MSH6: variants seen among roughly 807,000 people sequenced by gnomAD.
The protein encoded by MSH6 is mutS homolog 6, also known as DNA mismatch repair protein Msh6.
A neutral mutation model predicts 119.1 loss-of-function variants in MSH6; 85 were observed. The ratio of observed to expected loss-of-function variants is 0.71; its 90% CI spans 0.60 to 0.85. The LOEUF is 0.85. Ranked by LOEUF, MSH6 falls within the 40% of genes least tolerant of loss-of-function variation. MSH6 has a pLI of 0.00. For synonymous variants in MSH6, 830 were observed against 586.9 expected (o/e 1.41, Z -5.99); for missense variants, 2,163 against 1,655.3 (o/e 1.31, Z -5.32).
At chr2:47,793,638 A>T (rs1305400800) in intron 2 of MSH6, among the ~76,000 whole-genome samples, 1 of 151,290 alleles carries the variant, frequency 6.6e-6, no homozygotes, top group Non-Finnish European at 1.5e-5. Context: ...TAAATAAAAT[A>T]AAATAATAAA....
intron 1 of MSH6, among the ~76,000 whole-genome samples, chr2:47,786,522 A>AT (rs1369661579): frequency 0.013 from 3 of 230 alleles, no homozygotes; most frequent in Admixed American, 0.1. Flanking sequence ...TATAGTAGAG[A>AT]CGGGTTTCAC....
rs370830818 is a variant in MSH6, at chr2:47,804,141, T to TG, written c.3438+456_3438+457insG. The stretch of plus-strand genomic sequence containing the variant: ...GGGATGACATGCTGGCCCTTTTTTT[T>TG]TTGTTGTTGCCAAGGCTGAAGTGCA... On this transcript the variant is annotated intron_variant, in intron 5 of 9. Transcript: ENST00000234420. Among the ~76,000 whole-genome samples the TG allele has an allele frequency of 2.6e-4, 39 of 152,070 alleles. 1 individual carries two copies. Among genetic ancestry groups the TG allele is most frequent in the Middle Eastern group, 6.8e-3 (2 of 292 alleles).
At chr2:47,807,742 A>G (rs1670324334), downstream of MSH6, 1 of 242,822 alleles carries the variant, frequency 4.1e-6, no homozygotes. Flanking sequence ...ATTGGTACCC[A>G]TGTCCATAAA....
At chr2:47,808,052 T>G, downstream of MSH6, 1 of 1,404,092 alleles carries the variant, frequency 7.1e-7, no homozygotes, top group Non-Finnish European at 9.8e-7. Context: ...ATTTTAAATC[T>G]TCTTCCAAAA....
rs761822293 is a variant in MSH6, at chr2:47,799,265, A to G, written c.1282A>G (p.Lys428Glu). ...GAACTTTGATCTTGTCATCTGTTAC[A>G]AGGTGGGGAAATTTTATGAGCTGTA... ...SQNFDLVICY[K>E]VGKFYELYHM... Residue 428 changes from lysine to glutamate, a missense_variant, in exon 4 of 10, where the codon AAG (lysine) becomes GAG (glutamate). Coordinates refer to ENST00000234420, the MANE Select transcript of MSH6 (RefSeq NM_000179.3). 4 of 1,614,104 alleles carry G rather than the reference A, an allele frequency of 2.5e-6. No homozygotes were observed. Among genetic ancestry groups the G allele is most frequent in the Non-Finnish European group, 3.4e-6 (4 of 1,180,016 alleles).
rs730881816 is a variant in MSH6, at chr2:47,799,788, C to T, written c.1805C>T (p.Ser602Leu). The T allele has an allele frequency of 6.2e-7, 1 of 1,614,156 alleles. No homozygotes were observed. The highest frequency in any genetic ancestry group is 8.5e-7 in the Non-Finnish European group (1 of 1,180,016). Reference protein sequence around the residue: ...VQVLFEKGNLSKETKTILKSS... With the variant: ...VQVLFEKGNLLKETKTILKSS... ...GTTTTATTTGAAAAAGGAAATCTCTCAAAGGAAACTAAAACAATTCTAAAG... is the reference window on the plus strand; with the variant it reads ...GTTTTATTTGAAAAAGGAAATCTCTTAAAGGAAACTAAAACAATTCTAAAG... The change falls in exon 4 of 10, where the codon TCA (serine) becomes TTA (leucine). Residue 602 changes from serine (S) to leucine (L), a missense_variant. Physicochemically the swap from Ser to Leu is moderately radical, Grantham distance 145. Coordinates refer to ENST00000234420, the MANE Select transcript of MSH6 (RefSeq NM_000179.3).
chr2:47,801,305 C>A, intron 4 of MSH6, 150 bp downstream of exon 4: 3 of 538,444 alleles, frequency 5.6e-6, no homozygotes, highest in Non-Finnish European at 6.0e-6. Flanking sequence ...CTGCCCACAG[C>A]AATTTAAGTT....
intron 1 of MSH6, among the ~76,000 whole-genome samples, chr2:47,785,950 C>T (rs1416150608): frequency 1.3e-5 from 2 of 152,162 alleles, no homozygotes; most frequent in African/African-American, 4.8e-5. Flanking sequence ...GCATTTGATA[C>T]TAGGTTTCTA....
Position 47,791,195 on chromosome 2 carries a change from G to A in MSH6, c.457+72G>A, listed in dbSNP as rs563127819. The A allele has an allele frequency of 5.6e-6, 8 of 1,424,988 alleles. No individual in the cohort carries two copies. The East Asian group carries it at 1.6e-4, about 28-fold the overall frequency. The allele number at this position is 1,424,988 out of a possible 1,614,324, so 88.3% of individuals were successfully genotyped here. On this transcript the variant is annotated intron_variant, in intron 2 of 9. Transcript: ENST00000234420. ...GTGTGTGAGAGAAACAGACAGACAG[G>A]CAGACTTTTTTCTATATGATGAAAT...
intron 1 of MSH6, among the ~76,000 whole-genome samples, chr2:47,786,620 C>T (rs1668367676): frequency 6.6e-6 from 1 of 152,180 alleles, no homozygotes; most frequent in Non-Finnish European, 1.5e-5. Context: ...AGGCGTGAAC[C>T]ACCGCACCTG....
intron 1 of MSH6, chr2:47,784,389 A>T (rs1243389815): frequency 1.4e-5 from 5 of 356,458 alleles, no homozygotes; most frequent in Non-Finnish European, 2.0e-5. Context: ...GGCGCTGGAC[A>T]AAGATGTGTG....
At chr2:47,784,381 C>T (rs1205349200) in intron 1 of MSH6, 9 of 426,170 alleles carry the variant, frequency 2.1e-5, no homozygotes, top group Non-Finnish European at 2.2e-5. Context: ...CTTAATCGGG[C>T]GCTGGACAAA....
downstream of MSH6, chr2:47,807,218 A>C (rs143369107): frequency 1.3e-4 from 30 of 238,062 alleles, no homozygotes; most frequent in Non-Finnish European, 1.9e-4. Flanking sequence ...TAAACTGTTC[A>C]AAAAAAAACT....
At chr2:47,789,735 CT>C (rs1384178918) in intron 1 of MSH6, among the ~76,000 whole-genome samples, 3 of 152,170 alleles carry the variant, frequency 2.0e-5, no homozygotes, top group African/African-American at 7.2e-5. Flanking sequence ...ACATCTTCCC[CT>C]GTACTTTATC....
Position 47,806,610 on chromosome 2 carries a change from A to C in MSH6, c.3960A>C (p.Ala1320=), listed in dbSNP as rs373425206. The change falls in exon 9 of 10, where the codon GCA becomes GCC. Residue 1320 remains alanine (A), a synonymous_variant. Coordinates refer to ENST00000234420, the MANE Select transcript of MSH6 (RefSeq NM_000179.3). ...EEVIQKGHRK[A]REFEKMNQSL... The stretch of plus-strand genomic sequence containing the variant: ...TTATTCAAAAGGGACATAGAAAAGC[A>C]AGAGAATTTGAGAAGATGAATCAGT... 6.2e-7 allele frequency: 1 copy of C among 1,612,906 alleles called. No homozygotes were observed. The highest frequency in any genetic ancestry group is 8.5e-7 in the Non-Finnish European group (1 of 1,179,758).
At chr2:47,802,860 C>T (rs921978996) in intron 4 of MSH6, among the ~76,000 whole-genome samples, 2 of 152,100 alleles carry the variant, frequency 1.3e-5, no homozygotes, top group Admixed American at 1.3e-4. Flanking sequence ...CCAACTTTGG[C>T]ACATTCTGCT....
intron 4 of MSH6, among the ~76,000 whole-genome samples, chr2:47,803,039 G>C (rs190325380): frequency 2.6e-5 from 4 of 152,082 alleles, no homozygotes; most frequent in African/African-American, 7.2e-5. Context: ...AGCCTCCTGC[G>C]TAGCTGGGAT....
In MSH6 at chr2:47,799,062, G is replaced by T. The variant is rs267608060; in HGVS notation, c.1079G>T (p.Ser360Ile). 1.2e-6 allele frequency: 2 copies of T among 1,614,174 alleles called. No homozygotes were observed. Among genetic ancestry groups the T allele is most frequent in the Non-Finnish European group, 1.7e-6 (2 of 1,180,042 alleles). The change falls in exon 4 of 10, where the codon AGT becomes ATT. Residue 360 changes from serine to isoleucine, a missense_variant. Coordinates refer to ENST00000234420, the MANE Select transcript of MSH6 (RefSeq NM_000179.3). ...GTTAGTGGAGGTGGTGATGACAGTA[G>T]TCGCCCTACTGTTTGGTATCATGAA... ...AHVSGGGDDS[S>I]RPTVWYHETL...
chr2:47,793,359 G>A (rs865943607), intron 2 of MSH6, among the ~76,000 whole-genome samples: 1 of 147,688 alleles, frequency 6.8e-6, no homozygotes, highest in Non-Finnish European at 1.5e-5. Flanking sequence ...GCTGGGCACG[G>A]TGGCTCGCGC....
Sources: allele counts gnomAD v4.1 joint callset (sites outside exome capture counted in the v4.1 genomes callset), GRCh38; gene constraint gnomAD v4.1.1; transcripts MANE v1.5; gene names NCBI Gene and HGNC (gene_info 2026-07-23, HGNC 2026-07-21).